The following CDIN1 variants were observed in gnomAD, a reference collection of about 807,000 sequenced individuals.
CDIN1 encodes the protein CDAN1-interacting nuclease 1.
CDIN1 carries 33 observed loss-of-function variants against 45.3 expected under a neutral mutation model. The ratio of observed to expected loss-of-function variants is 0.73; its 90% CI spans 0.55 to 0.97. CDIN1 has a LOEUF of 0.97. CDIN1 is among the 50% of genes least tolerant of loss of function. The probability of loss-of-function intolerance (pLI) is 0.00; values close to 1 mark genes in which losing one functional copy is unlikely to be tolerated. For synonymous variants in CDIN1, 118 were observed against 124.4 expected, an observed-to-expected ratio of 0.95 and a Z score of 0.34; for missense variants, 303 against 339.4, an observed-to-expected ratio of 0.89 and a Z score of 0.84.
intron 10 of CDIN1, among the ~76,000 whole-genome samples, chr15:36,729,322 C>G (rs138722889): frequency 2.6e-4 from 40 of 152,242 alleles, no homozygotes; most frequent in African/African-American, 9.6e-4. Context: ...TAAGAGCTAT[C>G]ACTGAGAATT....
chr15:36,749,520 T>A (rs961647397), intron 10 of CDIN1, among the ~76,000 whole-genome samples: 1 of 152,206 alleles, frequency 6.6e-6, no homozygotes, highest in African/African-American at 2.4e-5. Flanking sequence ...GTGGAAATTA[T>A]TCATCCTACA....
chr15:36,776,156 T>G (rs2054211803), intron 10 of CDIN1, among the ~76,000 whole-genome samples: 1 of 152,264 alleles, frequency 6.6e-6, no homozygotes, highest in Non-Finnish European at 1.5e-5. Context: ...CAGTAGGTTT[T>G]TCAAGTACGA....
chr15:36,668,244 C>T (rs2041323878), intron 5 of CDIN1: 1 of 152,020 alleles, frequency 6.6e-6, no homozygotes, highest in African/African-American at 2.4e-5. Flanking sequence ...GATAATGTAC[C>T]TACCATTTCC....
rs1368697571 is a variant in CDIN1 at position 36,618,340 on chromosome 15, G to T, written c.102-25938G>T. On this transcript the variant is annotated intron_variant, in intron 1 of 10. Coordinates refer to ENST00000566621, the MANE Select transcript of CDIN1 (RefSeq NM_001321759.2). ...TGAAAGCATAATCCTACAGTAACTG[G>T]GGATTAGGAGCAAACTTAACTTCAA... 1.6e-5 allele frequency: 11 copies of T among 677,486 alleles called. No individual in the cohort carries two copies. In the East Asian group the frequency reaches 2.7e-4, roughly 17 times the overall value. 42.0% of individuals were successfully genotyped at this position (677,486 alleles called of 1,614,324 possible).
intron 10 of CDIN1, among the ~76,000 whole-genome samples, chr15:36,797,795 C>T (rs2054857416): frequency 1.3e-5 from 2 of 152,012 alleles, no homozygotes; most frequent in South Asian, 4.2e-4. Context: ...GCCTTGCCAA[C>T]ATGGTGAAAC....
chr15:36,692,034 G>GGGCCCC, intron 6 of CDIN1, 92 bp from the exon 7 acceptor site: 1 of 1,013,886 alleles, frequency 9.9e-7, no homozygotes. Flanking sequence ...GGGGGTGGGG[G>GGGCCCC]AAGAAAAGTA....
intron 1 of CDIN1, among the ~76,000 whole-genome samples, chr15:36,622,663 C>G (rs1359105544): frequency 2.0e-5 from 3 of 152,170 alleles, no homozygotes; most frequent in African/African-American, 7.2e-5. Context: ...TGGGACTTAT[C>G]CTTGGATGCC....
intron 1 of CDIN1, among the ~76,000 whole-genome samples, chr15:36,620,699 A>G (rs2039144590): frequency 6.6e-6 from 1 of 152,222 alleles, no homozygotes. Context: ...CTGACCTTAC[A>G]GTAATTTATT....
intron 1 of CDIN1, among the ~76,000 whole-genome samples, chr15:36,595,290 T>A (rs943976247): frequency 1.9e-4 from 27 of 141,408 alleles, no homozygotes; most frequent in Admixed American, 4.3e-4. Context: ...TACACTTACA[T>A]TATAATATAA....
intron 10 of CDIN1, among the ~76,000 whole-genome samples, chr15:36,807,573 C>A (rs1343939574): frequency 1.3e-5 from 2 of 152,052 alleles, no homozygotes; most frequent in South Asian, 4.2e-4. Context: ...GTCTGCCTGG[C>A]GGGGATCAGT....
At chr15:36,626,950 G>T (rs2039456096) in intron 1 of CDIN1, 1 of 191,858 alleles carries the variant, frequency 5.2e-6, no homozygotes, top group South Asian at 1.0e-4. Flanking sequence ...CAGGCTTGAT[G>T]ACCTCATCCA....
chr15:36,689,585 C>G (rs974826343), intron 5 of CDIN1, among the ~76,000 whole-genome samples: 7 of 152,258 alleles, frequency 4.6e-5, no homozygotes, highest in Admixed American at 3.3e-4. Context: ...AGAGTTCCCT[C>G]TAGAAGGTAA....
chr15:36,695,056 T>C (rs1368099317), intron 7 of CDIN1, among the ~76,000 whole-genome samples: 2 of 152,236 alleles, frequency 1.3e-5, no homozygotes, highest in Non-Finnish European at 2.9e-5. Context: ...GCCATGTGCC[T>C]TGGAAGGCAA....
chr15:36,785,570 A>G (rs143293064), intron 10 of CDIN1, among the ~76,000 whole-genome samples: 56 of 152,298 alleles, frequency 3.7e-4, no homozygotes, highest in African/African-American at 1.3e-3. Context: ...TAGATCAAAG[A>G]AGAGCCACTG....
chr15:36,740,646 TGGGAGGCTGA>T (rs2044202047), intron 10 of CDIN1, among the ~76,000 whole-genome samples: 1 of 152,194 alleles, frequency 6.6e-6, no homozygotes, highest in Admixed American at 6.5e-5. Context: ...CCCAGCACTT[TGGGAGGCTGA>T]GGCAGGTGGA....
intron 10 of CDIN1, among the ~76,000 whole-genome samples, chr15:36,738,735 T>C (rs2044124824): frequency 6.6e-6 from 1 of 152,178 alleles, no homozygotes; most frequent in Non-Finnish European, 1.5e-5. Context: ...ACAGCTTTCT[T>C]TTTTGTTCCA....
chr15:36,745,487 G>A (rs376042983), intron 10 of CDIN1, among the ~76,000 whole-genome samples: 3 of 152,062 alleles, frequency 2.0e-5, no homozygotes, highest in African/African-American at 7.2e-5. Context: ...AGAGAACTCT[G>A]AATGACAAGT....
chr15:36,653,433 G>A (rs2040651276), intron 3 of CDIN1, among the ~76,000 whole-genome samples: 1 of 144,762 alleles, frequency 6.9e-6, no homozygotes, highest in Admixed American at 7.2e-5. Context: ...TATAACAAGG[G>A]GAATGACACA....
chr15:36,723,216 A>AACC (rs1354078493), intron 10 of CDIN1, among the ~76,000 whole-genome samples: 22 of 73,424 alleles, frequency 3.0e-4, no homozygotes, highest in Non-Finnish European at 5.2e-4. Flanking sequence ...GCAGCTTGCT[A>AACC]ACCATTACCA....
Sources: allele counts gnomAD v4.1 joint callset (sites outside exome capture counted in the v4.1 genomes callset), GRCh38; gene constraint gnomAD v4.1.1; transcripts MANE v1.5; gene names NCBI Gene and HGNC (gene_info 2026-07-23, HGNC 2026-07-21).